Variants in DOCK3 observed in about 807,000 individuals in gnomAD.
DOCK3 encodes dedicator of cytokinesis protein 3.
In DOCK3, 60 loss-of-function variants were observed where a neutral mutation model predicts 265.6. That is an observed-to-expected ratio of 0.23 (90% CI 0.18 to 0.28). The LOEUF is 0.28. DOCK3 is among the 10% of genes least tolerant of loss of function. The pLI, the probability that DOCK3 is intolerant of heterozygous loss-of-function variation, is 1.00. For synonymous variants in DOCK3, 881 were observed against 938.0 expected (o/e 0.94, Z 1.11); for missense variants, 1,981 against 2,594.3 (o/e 0.76, Z 5.14).
At position 50,890,027 on chromosome 3, in the gene DOCK3, G is replaced by C; in HGVS notation, c.164G>C (p.Gly55Ala). The C allele has an allele frequency of 7.1e-7, 1 of 1,411,058 alleles. No homozygotes were observed. The highest frequency in any genetic ancestry group is 1.5e-5 in the African/African-American group (1 of 66,530). 87.4% of individuals were successfully genotyped at this position (1,411,058 alleles called of 1,614,324 possible). Residue 55 changes from glycine to alanine, a missense_variant and splice_region_variant, in exon 4 of 53, where the codon GGG becomes GCG. Around this residue, in one of 4 missense-constraint regions of DOCK3, gnomAD observed 456 missense variants for 539.0 expected, o/e 0.85. Transcript: ENST00000266037. ...GVSTKKPNVK[G>A]IFPANYIHLK... ...CAGGAAATATTTTCTCTTTTACAGG[G>C]GATCTTTCCTGCAAATTACATTCAC...
At chr3:50,873,499 A>T (rs898637116) in intron 3 of DOCK3, among the ~76,000 whole-genome samples, 4 of 152,136 alleles carry the variant, frequency 2.6e-5, no homozygotes, top group African/African-American at 9.7e-5. Context: ...CAAGCTGTAC[A>T]GCCTGGGGTT....
At position 51,381,713 on chromosome 3, in the gene DOCK3, C is replaced by T. The variant is rs1553618946; in HGVS notation, c.*154C>T. On this transcript the variant is annotated 3_prime_UTR_variant, in exon 53 of 53. Coordinates refer to ENST00000266037, the MANE Select transcript of DOCK3 (RefSeq NM_004947.5). The surrounding 1 kb of genome is among the most constrained non-coding windows in gnomAD (Gnocchi z 5.6). ...CAAGTCTCCGTTCTACTGCCGTGAA[C>T]TCATGTGTTGCCATGTACAGAGGCC... 3 of 1,088,800 alleles carry T rather than the reference C, an allele frequency of 2.8e-6. No homozygotes were observed. Among genetic ancestry groups the T allele is most frequent in the Admixed American group, 3.0e-5 (1 of 32,870 alleles). 67.4% of individuals were successfully genotyped at this position (1,088,800 alleles called of 1,614,324 possible).
chr3:51,358,252 A>G (rs1009757038), intron 46 of DOCK3, among the ~76,000 whole-genome samples, 175 bp downstream of exon 46: 2 of 152,188 alleles, frequency 1.3e-5, no homozygotes, highest in Non-Finnish European at 2.9e-5. Context: ...TGCTATATCC[A>G]GGGGAAGGAT....
At chr3:51,061,571 G>A (rs2081411322) in intron 5 of DOCK3, among the ~76,000 whole-genome samples, 1 of 151,744 alleles carries the variant, frequency 6.6e-6, no homozygotes, top group South Asian at 2.1e-4. Context: ...GTGGGGTGGG[G>A]AGAGGGGGGA....
At chr3:51,287,506 A>T (rs1401456892) in intron 27 of DOCK3, among the ~76,000 whole-genome samples, 1 of 152,176 alleles carries the variant, frequency 6.6e-6, no homozygotes, top group African/African-American at 2.4e-5. Flanking sequence ...AGCTGATTGT[A>T]CCACAGTTCT....
chr3:51,125,836 C>A (rs1050401444), intron 9 of DOCK3, among the ~76,000 whole-genome samples: 1 of 152,004 alleles, frequency 6.6e-6, no homozygotes, highest in East Asian at 1.9e-4. Context: ...CTGGAAAGCA[C>A]AGAACAAGAG....
chr3:51,041,204 ATTTTTTTTTTTTTT>A (rs1183149090), intron 5 of DOCK3, among the ~76,000 whole-genome samples: 2 of 14,790 alleles, frequency 1.4e-4, no homozygotes, highest in Non-Finnish European at 1.1e-4. Context: ...ATATATATAT[ATTTTTTTTTTTTTT>A]TTTTTTTTTT....
chr3:51,056,321 T>C (rs1189641696), intron 5 of DOCK3, among the ~76,000 whole-genome samples: 3 of 152,234 alleles, frequency 2.0e-5, no homozygotes, highest in Non-Finnish European at 4.4e-5. Flanking sequence ...CAATCTCGGC[T>C]CACTGCAAGC....
At chr3:51,241,255 C>T (rs1414248492) in intron 21 of DOCK3, among the ~76,000 whole-genome samples, 1 of 152,154 alleles carries the variant, frequency 6.6e-6, no homozygotes, top group Non-Finnish European at 1.5e-5. Context: ...TATTGGCCCC[C>T]AGTCTCTTCT....
At chr3:50,946,094 TAAAAAAAAAAAA>T (rs35670695) in intron 5 of DOCK3, among the ~76,000 whole-genome samples, 1 of 91,716 alleles carries the variant, frequency 1.1e-5, no homozygotes, top group Non-Finnish European at 2.1e-5. Flanking sequence ...CCCCATCTCT[TAAAAAAAAAAAA>T]AAAAAAAAAA....
At chr3:51,242,959 C>G (rs1318702264) in intron 21 of DOCK3, among the ~76,000 whole-genome samples, 1 of 152,142 alleles carries the variant, frequency 6.6e-6, no homozygotes, top group African/African-American at 2.4e-5. Flanking sequence ...GAGCTCTCCC[C>G]CATCAAGCAT....
At chr3:51,133,539 A>G (rs1387456076) in intron 9 of DOCK3, among the ~76,000 whole-genome samples, 1 of 152,030 alleles carries the variant, frequency 6.6e-6, no homozygotes, top group Non-Finnish European at 1.5e-5. Context: ...TATATGTGCC[A>G]CATTTTCTTA....
At chr3:50,990,524 A>C (rs1049541906) in intron 5 of DOCK3, among the ~76,000 whole-genome samples, 8 of 152,144 alleles carry the variant, frequency 5.3e-5, no homozygotes, top group Non-Finnish European at 1.2e-4. Context: ...TTAAAGAAAA[A>C]ATTCTTCAAC....
At chr3:50,695,781 A>G (rs1414707085) in intron 1 of DOCK3, among the ~76,000 whole-genome samples, 1 of 152,190 alleles carries the variant, frequency 6.6e-6, no homozygotes, top group African/African-American at 2.4e-5. Flanking sequence ...TTCGGATCCC[A>G]CTTCTGACAC....
At chr3:51,336,245 G>T (rs2084861675) in intron 35 of DOCK3, among the ~76,000 whole-genome samples, 1 of 152,002 alleles carries the variant, frequency 6.6e-6, no homozygotes, top group Admixed American at 6.5e-5. Flanking sequence ...TAACTTTTGT[G>T]TGAATCTCAG....
chr3:50,872,092 AC>A (rs1334596091), intron 3 of DOCK3, among the ~76,000 whole-genome samples: 1 of 152,144 alleles, frequency 6.6e-6, no homozygotes, highest in Non-Finnish European at 1.5e-5. Flanking sequence ...TGGTCTTGAT[AC>A]TTGTAGAGTT....
intron 4 of DOCK3, among the ~76,000 whole-genome samples, chr3:50,899,366 G>T (rs1186453881): frequency 6.6e-6 from 1 of 152,034 alleles, no homozygotes; most frequent in Non-Finnish European, 1.5e-5. Context: ...GAGCCTATGT[G>T]TGTCTTTGCA....
chr3:51,280,314 T>C, intron 27 of DOCK3, 110 bp downstream of exon 27: 1 of 1,020,044 alleles, frequency 9.8e-7, no homozygotes, highest in Non-Finnish European at 1.4e-6. Context: ...TTGCCACGGG[T>C]GTAGGATTCA....
intron 5 of DOCK3, among the ~76,000 whole-genome samples, chr3:50,941,899 G>A (rs946184712): frequency 2.0e-5 from 3 of 152,072 alleles, no homozygotes; most frequent in Non-Finnish European, 4.4e-5. Flanking sequence ...AGCTAAGGTT[G>A]AGGTCAGAGT....
Sources: allele counts gnomAD v4.1 joint callset (sites outside exome capture counted in the v4.1 genomes callset), GRCh38; gene constraint gnomAD v4.1.1; regional missense constraint gnomAD v4.1.1; non-coding constraint Gnocchi (gnomAD v3.1); transcripts MANE v1.5; gene names NCBI Gene and HGNC (gene_info 2026-07-23, HGNC 2026-07-21).